MICAL2: variants seen among roughly 807,000 people sequenced by gnomAD.
The protein encoded by MICAL2 is microtubule associated monooxygenase, calponin and LIM domain containing 2.
A neutral mutation model predicts 127.3 loss-of-function variants in MICAL2; 77 were observed. The ratio of observed to expected loss-of-function variants is 0.60; its 90% CI spans 0.50 to 0.73. The LOEUF (loss-of-function observed/expected upper bound fraction) is 0.73. Among genes scored for constraint, MICAL2 ranks in the 30% least tolerant of loss-of-function variants. The probability of loss-of-function intolerance (pLI) is 0.00; values close to 1 mark genes in which losing one functional copy is unlikely to be tolerated. For synonymous variants in MICAL2, 570 were observed against 551.1 expected, an observed-to-expected ratio of 1.03 and a Z score of -0.48; for missense variants, 1,351 against 1,434.4, an observed-to-expected ratio of 0.94 and a Z score of 0.94.
intron 32 of MICAL2, among the ~76,000 whole-genome samples, chr11:12,330,713 GAAAGGGAAAC>G (rs1208355501): frequency 6.6e-6 from 1 of 151,700 alleles, no homozygotes; most frequent in Non-Finnish European, 1.5e-5. Context: ...TTTTGTCAAG[GAAAGGGAAAC>G]AAAGGAAAAC....
chr11:12,301,126 C>G (rs1590728804), intron 29 of MICAL2, among the ~76,000 whole-genome samples: 2 of 152,160 alleles, frequency 1.3e-5, no homozygotes, highest in East Asian at 3.9e-4. Flanking sequence ...CCTAATAAAA[C>G]CATCAGATCT....
chr11:12,347,651 AG>A (rs1356645742), intron 32 of MICAL2, among the ~76,000 whole-genome samples: 18 of 152,226 alleles, frequency 1.2e-4, no homozygotes, highest in African/African-American at 4.3e-4. Context: ...AAAATAATAC[AG>A]ATAGAAAAAC....
At chr11:12,305,346 G>A (rs1274590732) in intron 29 of MICAL2, among the ~76,000 whole-genome samples, 1 of 152,034 alleles carries the variant, frequency 6.6e-6, no homozygotes, top group East Asian at 2.0e-4. Context: ...TCACTATCAT[G>A]AGAACAGCAT....
At chr11:12,240,811 G>T (rs1169950531) in intron 17 of MICAL2, among the ~76,000 whole-genome samples, 1 of 152,260 alleles carries the variant, frequency 6.6e-6, no homozygotes, top group Non-Finnish European at 1.5e-5. Context: ...TTCACACATT[G>T]TCCATGAGAA....
chr11:12,273,875 C>T (rs1478586873), upstream of MICAL2, among the ~76,000 whole-genome samples: 1 of 151,998 alleles, frequency 6.6e-6, no homozygotes, highest in Non-Finnish European at 1.5e-5. Context: ...ACAAGGAGGT[C>T]ACTGTGGACT....
At chr11:12,267,979 AGG>A (rs549867471), downstream of MICAL2, among the ~76,000 whole-genome samples, 9 of 152,222 alleles carry the variant, frequency 5.9e-5, no homozygotes, top group Non-Finnish European at 1.2e-4. Flanking sequence ...CCATGAGGGC[AGG>A]GGTCTTGGTT....
chr11:12,208,455 T>C lies in MICAL2; in HGVS notation c.589+316T>C, dbSNP rs542110988. 3.0e-5 allele frequency: 8 copies of C among 263,010 alleles called. No individual in the cohort carries two copies. In the South Asian group the frequency reaches 4.3e-4, roughly 14 times the overall value. The allele number at this position is 263,010 out of a possible 1,614,324, so 16.3% of individuals were successfully genotyped here. A position where few individuals can be genotyped will look rare whatever the true frequency, so the allele number is the denominator to read the frequency against. ...ACATAGATTTGGTTGTTTGGTAAGG[T>C]TCATTCACGTGTTCTTCAAGCTGTG... On this transcript the variant is annotated intron_variant, in intron 5 of 27. Coordinates refer to ENST00000683283, the MANE Select transcript of MICAL2 (RefSeq NM_001282663.2).
At chr11:12,291,345 G>A (rs1863897098), downstream of MICAL2, among the ~76,000 whole-genome samples, 1 of 152,156 alleles carries the variant, frequency 6.6e-6, no homozygotes, top group Non-Finnish European at 1.5e-5. Context: ...AAGGAGGGGA[G>A]AGGGAGAGGA....
At chr11:12,122,550 A>G (rs1322990773) in intron 1 of MICAL2, among the ~76,000 whole-genome samples, 3 of 152,150 alleles carry the variant, frequency 2.0e-5, no homozygotes, top group Non-Finnish European at 2.9e-5. Context: ...CTGGGATTAC[A>G]GGCATGTGTC....
intron 6 of MICAL2, among the ~76,000 whole-genome samples, chr11:12,212,770 A>C (rs531256372): frequency 2.6e-5 from 4 of 152,216 alleles, no homozygotes; most frequent in Middle Eastern, 3.2e-3. Context: ...GGAGAGGCAC[A>C]TAATACAACC....
chr11:12,242,461 G>A, intron 19 of MICAL2, 29 bp downstream of exon 19: 1 of 1,580,042 alleles, frequency 6.3e-7, no homozygotes, highest in Non-Finnish European at 8.6e-7. Context: ...GCCCGTCTCT[G>A]TCCGTGTCTG....
At chr11:12,314,659 T>TTTTTTTC (rs58668149) in intron 29 of MICAL2, among the ~76,000 whole-genome samples, 1 of 146,358 alleles carries the variant, frequency 6.8e-6, no homozygotes, top group East Asian at 2.0e-4. Flanking sequence ...TTTTTTTTTT[T>TTTTTTTC]GTATTTTTAG....
chr11:12,250,535 C>T (rs1244099355), intron 22 of MICAL2, among the ~76,000 whole-genome samples: 4 of 152,140 alleles, frequency 2.6e-5, no homozygotes, highest in Non-Finnish European at 5.9e-5. Context: ...AGGGAAATGG[C>T]GTATGTGAGG....
chr11:12,246,289 T>A (rs1351324101), intron 21 of MICAL2, among the ~76,000 whole-genome samples: 1 of 152,260 alleles, frequency 6.6e-6, no homozygotes, highest in Non-Finnish European at 1.5e-5. Context: ...CTGCTGTCTC[T>A]GGCTCTTCAG....
intron 18 of MICAL2, 159 bp from the exon 19 acceptor site, chr11:12,242,055 C>T (rs1860043064): frequency 5.2e-6 from 3 of 579,596 alleles, no homozygotes; most frequent in African/African-American, 3.8e-5. Context: ...AATTTTGATG[C>T]AGGTGGTGGA....
chr11:12,328,621 T>G (rs1178229661), intron 32 of MICAL2, among the ~76,000 whole-genome samples: 1 of 152,178 alleles, frequency 6.6e-6, no homozygotes, highest in African/African-American at 2.4e-5. Context: ...TGGGGGGCCC[T>G]AAGAGTTTGT....
chr11:12,215,154 AT>A (rs1460464297), intron 7 of MICAL2, among the ~76,000 whole-genome samples: 1 of 152,244 alleles, frequency 6.6e-6, no homozygotes, highest in Non-Finnish European at 1.5e-5. Context: ...GCCACTCAAT[AT>A]AAATGAGAGC....
At chr11:12,349,011 G>T (rs1210387301) in intron 32 of MICAL2, among the ~76,000 whole-genome samples, 1 of 152,192 alleles carries the variant, frequency 6.6e-6, no homozygotes, top group African/African-American at 2.4e-5. Context: ...GTCACACAAA[G>T]CTTCTGTCTG....
intron 29 of MICAL2, among the ~76,000 whole-genome samples, chr11:12,318,531 A>C (rs1314612815): frequency 1.3e-5 from 2 of 152,236 alleles, no homozygotes; most frequent in Non-Finnish European, 2.9e-5. Context: ...ACTAGGGTGA[A>C]TAGTTGAAAA....
Sources: gnomAD v4.1 joint callset for allele counts (sites outside exome capture counted in the v4.1 genomes callset) on GRCh38, gnomAD v4.1.1 for gene constraint, MANE v1.5 for transcripts, NCBI Gene and HGNC (gene_info 2026-07-23, HGNC 2026-07-21) for gene names.